RB1: variants seen among roughly 807,000 people sequenced by gnomAD.
RB1 encodes retinoblastoma-associated protein.
Under a neutral mutation model 135.4 loss-of-function variants are expected in RB1, and 18 were observed. The observed-to-expected ratio is 0.13, with a 90% CI of 0.09 to 0.20. RB1 has a LOEUF of 0.20. Among genes scored for constraint, RB1 ranks in the 10% least tolerant of loss-of-function variants. The pLI, the probability that RB1 is intolerant of heterozygous loss-of-function variation, is 1.00. For missense variants in RB1, 868 were observed against 1,110.0 expected, an observed-to-expected ratio of 0.78 and a Z score of 3.10; for synonymous variants, 365 against 373.2, an observed-to-expected ratio of 0.98 and a Z score of 0.25.
intron 24 of RB1, 76 bp from the exon 25 acceptor site, chr13:48,476,625 A>G (rs1305241067): frequency 6.7e-7 from 1 of 1,503,142 alleles, no homozygotes; most frequent in Middle Eastern, 1.8e-4. Context: ...GACACACCTC[A>G]AACTATAACT....
chr13:48,373,783 C>T (rs530574285), intron 12 of RB1, among the ~76,000 whole-genome samples: 202 of 152,120 alleles, frequency 1.3e-3, no homozygotes, highest in African/African-American at 4.8e-3. Flanking sequence ...TCAGATATAT[C>T]CTTTGATAAT....
intron 23 of RB1, 147 bp downstream of exon 23, chr13:48,465,515 G>A: frequency 1.1e-6 from 1 of 947,436 alleles, no homozygotes; most frequent in Admixed American, 2.3e-5. Context: ...ATAAGAATAT[G>A]GGGGCGGGGT....
intron 10 of RB1, 93 bp downstream of exon 10, chr13:48,367,696 G>A: frequency 7.1e-7 from 1 of 1,406,588 alleles, no homozygotes; most frequent in Non-Finnish European, 9.6e-7. Flanking sequence ...GTGACCTTTA[G>A]ATATCATTTA....
intron 2 of RB1, chr13:48,328,532 G>C: frequency 2.7e-6 from 2 of 752,756 alleles, no homozygotes; most frequent in East Asian, 5.0e-5. Context: ...GACTTTTCCG[G>C]CTTCTCCTCT....
chr13:48,318,965 G>A, intron 2 of RB1: 1 of 843,746 alleles, frequency 1.2e-6, no homozygotes, highest in Non-Finnish European at 2.0e-6. Flanking sequence ...GCGTGGGCTT[G>A]CAGAAAGGGA....
At chr13:48,397,824 T>G (rs1028640014) in intron 17 of RB1, among the ~76,000 whole-genome samples, 1 of 152,140 alleles carries the variant, frequency 6.6e-6, no homozygotes, top group African/African-American at 2.4e-5. Context: ...ATGTCAAAAT[T>G]GATGGGAAGC....
At chr13:48,411,955 T>G in intron 17 of RB1, 1 of 1,612,546 alleles carries the variant, frequency 6.2e-7, no homozygotes, top group South Asian at 1.1e-5. Context: ...TGAGAGTGGG[T>G]AGACTGAACA....
chr13:48,456,455 A>G, intron 19 of RB1, 106 bp downstream of exon 19: 2 of 1,438,352 alleles, frequency 1.4e-6, no homozygotes, highest in Non-Finnish European at 1.9e-6. Context: ...AAGTCACTTA[A>G]TATCTCTGTG....
At chr13:48,423,764 G>A (rs1324779155) in intron 17 of RB1, among the ~76,000 whole-genome samples, 1 of 152,134 alleles carries the variant, frequency 6.6e-6, no homozygotes, top group African/African-American at 2.4e-5. Context: ...GAAAGTGTGA[G>A]CCAGGCATAG....
At chr13:48,338,551 T>G (rs1254353798) in intron 2 of RB1, among the ~76,000 whole-genome samples, 1 of 152,244 alleles carries the variant, frequency 6.6e-6, no homozygotes, top group Non-Finnish European at 1.5e-5. Context: ...AGGATTTCTC[T>G]ACACTGGTTA....
At chr13:48,450,204 T>C (rs1170548672) in intron 17 of RB1, among the ~76,000 whole-genome samples, 1 of 152,106 alleles carries the variant, frequency 6.6e-6, no homozygotes, top group Non-Finnish European at 1.5e-5. Flanking sequence ...TCTTTCCCCA[T>C]GCCTATGTCC....
At chr13:48,459,228 A>G (rs961455285) in intron 19 of RB1, among the ~76,000 whole-genome samples, 1 of 152,254 alleles carries the variant, frequency 6.6e-6, no homozygotes, top group Non-Finnish European at 1.5e-5. Flanking sequence ...ATTATTTTTA[A>G]GGAAAATAGT....
intron 17 of RB1, chr13:48,411,823 C>T (rs1566211864): frequency 6.2e-7 from 1 of 1,612,824 alleles, no homozygotes; most frequent in Non-Finnish European, 8.5e-7. Context: ...GAACAAGTTA[C>T]ATTTAAAATT....
chr13:48,454,478 A>G (rs901045738), intron 18 of RB1, among the ~76,000 whole-genome samples: 114 of 152,360 alleles, frequency 7.5e-4, no homozygotes, highest in African/African-American at 2.7e-3. Context: ...AGAAGCAGTC[A>G]TCTGTAAACT....
chr13:48,389,342 G>A (rs1948594772), intron 17 of RB1, among the ~76,000 whole-genome samples: 1 of 152,044 alleles, frequency 6.6e-6, no homozygotes, highest in South Asian at 2.1e-4. Context: ...AAGGGGTGGG[G>A]ATAGGATGAG....
intron 2 of RB1, among the ~76,000 whole-genome samples, chr13:48,335,015 A>T (rs1952370407): frequency 6.6e-6 from 1 of 152,166 alleles, no homozygotes; most frequent in African/African-American, 2.4e-5. Flanking sequence ...TAAAAAATGT[A>T]TGCAGGATTA....
intron 2 of RB1, among the ~76,000 whole-genome samples, chr13:48,338,317 A>G (rs973098315): frequency 6.6e-6 from 1 of 152,198 alleles, no homozygotes; most frequent in African/African-American, 2.4e-5. Flanking sequence ...CAGGTACACC[A>G]ATCAGATGTA....
At chr13:48,325,224 T>G (rs1378456973) in intron 2 of RB1, among the ~76,000 whole-genome samples, 1 of 152,188 alleles carries the variant, frequency 6.6e-6, no homozygotes, top group Admixed American at 6.5e-5. Context: ...AGTGAGAACA[T>G]GCAGCATTTG....
chr13:48,479,151 C>T (rs1949522033), intron 26 of RB1, among the ~76,000 whole-genome samples: 1 of 152,026 alleles, frequency 6.6e-6, no homozygotes, highest in Non-Finnish European at 1.5e-5. Context: ...TTGCTTGAGC[C>T]CAGAAGGTCA....
Sources: allele counts gnomAD v4.1 joint callset (sites outside exome capture counted in the v4.1 genomes callset), GRCh38; gene constraint gnomAD v4.1.1; transcripts MANE v1.5; gene names NCBI Gene and HGNC (gene_info 2026-07-23, HGNC 2026-07-21).